The following CPXM2 variants were observed in gnomAD, a reference collection of about 807,000 sequenced individuals.
CPXM2 encodes the protein carboxypeptidase X, M14 family member 2, also known as inactive carboxypeptidase-like protein X2.
Under a neutral mutation model 86.1 loss-of-function variants are expected in CPXM2, and 66 were observed. That is an observed-to-expected ratio of 0.77 (90% CI 0.63 to 0.94). The LOEUF (loss-of-function observed/expected upper bound fraction) is 0.94, where lower values mean the gene tolerates loss of function less well. Ranked by LOEUF, CPXM2 falls within the 40% of genes least tolerant of loss-of-function variation. CPXM2 has a pLI of 0.00. For missense variants in CPXM2, 948 were observed against 1,026.3 expected (o/e 0.92, Z 1.04); for synonymous variants, 388 against 400.2 (o/e 0.97, Z 0.36).
At chr10:123,804,094 C>G (rs891896637) in intron 4 of CPXM2, among the ~76,000 whole-genome samples, 26 of 152,136 alleles carry the variant, frequency 1.7e-4, no homozygotes, top group Non-Finnish European at 3.1e-4. Flanking sequence ...TCTGGATGCT[C>G]TATTCTGTTC....
At position 123,775,830 on chromosome 10, in the gene CPXM2, T is replaced by C. The variant is rs74162933; in HGVS notation, c.978+4337A>G. Among the ~76,000 whole-genome samples, 324 of 152,350 alleles carry C rather than the reference T, an allele frequency of 2.1e-3. 1 individual carries two copies. The highest frequency in any genetic ancestry group is 7.6e-3 in the African/African-American group (316 of 41,596). On this transcript the variant is annotated intron_variant, in intron 7 of 13. Coordinates refer to ENST00000241305, the MANE Select transcript of CPXM2 (RefSeq NM_198148.3). ...TGCCAGGAAGCATCTCTCCAGTGGC[T>C]ACCAGCACCATCAAAGACACGGGTG...
rs1311151023 is a variant in CPXM2 at position 123,787,855 on chromosome 10, A to G, written c.890-7600T>C. Among the ~76,000 whole-genome samples, 4 of 152,042 alleles carry G rather than the reference A, an allele frequency of 2.6e-5. No individual in the cohort carries two copies. In the East Asian group the frequency reaches 7.7e-4, roughly 29 times the overall value. ...ACAGCAGATTCCAAGTTACCCGGGG[A>G]TGGCGGAGGGGCTGGGGAGTGATTA... On this transcript the variant is annotated intron_variant, in intron 6 of 13. Coordinates refer to ENST00000241305, the MANE Select transcript of CPXM2 (RefSeq NM_198148.3).
intron 4 of CPXM2, among the ~76,000 whole-genome samples, chr10:123,813,326 G>C (rs189837694): frequency 1.3e-5 from 2 of 152,282 alleles, no homozygotes; most frequent in East Asian, 3.9e-4. Context: ...CAAGGATGTG[G>C]TAATTCACTA....
upstream of CPXM2, among the ~76,000 whole-genome samples, chr10:123,943,673 G>A (rs954459364): frequency 6.6e-6 from 1 of 152,244 alleles, no homozygotes; most frequent in African/African-American, 2.4e-5. Context: ...AGCCAGGTAT[G>A]TGCCAACTGG....
At position 123,762,184 on chromosome 10, in the gene CPXM2, A is replaced by C. The variant is rs748280072; in HGVS notation, c.1480-15T>G. 410 of 1,614,104 alleles carry C rather than the reference A, an allele frequency of 2.5e-4. No homozygotes were observed. The highest frequency in any genetic ancestry group is 2.6e-5 in the Non-Finnish European group (31 of 1,180,034). ...TCGGCAGCCACCTGTGAACATCCCA[A>C]ATGGACGAGTAAAATAAGCAGGAAG... On this transcript the variant is annotated splice_polypyrimidine_tract_variant and intron_variant, in intron 10 of 13. Coordinates refer to ENST00000241305, the MANE Select transcript of CPXM2 (RefSeq NM_198148.3).
intron 1 of CPXM2, among the ~76,000 whole-genome samples, chr10:123,884,301 C>G (rs936557892): frequency 2.0e-5 from 3 of 152,206 alleles, no homozygotes; most frequent in Non-Finnish European, 4.4e-5. Context: ...TAAATCACCA[C>G]AAACACACCA....
At chr10:123,850,375 T>C (rs1024625438) in intron 3 of CPXM2, among the ~76,000 whole-genome samples, 1 of 152,238 alleles carries the variant, frequency 6.6e-6, no homozygotes, top group Non-Finnish European at 1.5e-5. Flanking sequence ...TTCAGTTATC[T>C]GAAGTCAACC....
chr10:123,758,749 T>G (rs1399223285), intron 11 of CPXM2, among the ~76,000 whole-genome samples: 1 of 152,192 alleles, frequency 6.6e-6, no homozygotes, highest in Non-Finnish European at 1.5e-5. Context: ...ATTAGCAAGC[T>G]GCACTCTGCG....
intron 9 of CPXM2, among the ~76,000 whole-genome samples, chr10:123,768,132 AATCCC>A (rs1276256379): frequency 6.6e-6 from 1 of 152,160 alleles, no homozygotes; most frequent in Non-Finnish European, 1.5e-5. Flanking sequence ...TTACACCTGT[AATCCC>A]AGCACTTTGG....
rs77132045 is a variant in CPXM2 at position 123,929,921 on chromosome 10, G to A, written n.174+9556C>T. 8.1e-3 allele frequency among the ~76,000 whole-genome samples: 1,234 copies of A among 152,320 alleles called. 17 individuals carry two copies. Among genetic ancestry groups the A allele is most frequent in the African/African-American group, 0.028 (1,151 of 41,570 alleles). The stretch of plus-strand genomic sequence containing the variant: ...TCATGCTTCCTTCCTTGGGTAGGGC[G>A]TCCCTGGTGTGCCCAGAGCTGCTGC... On this transcript the variant is annotated intron_variant and non_coding_transcript_variant, in intron 2 of 19. Coordinates refer to the CPXM2 transcript ENST00000368854.
chr10:123,867,155 G>A (rs905999434), intron 2 of CPXM2, among the ~76,000 whole-genome samples: 1 of 152,186 alleles, frequency 6.6e-6, no homozygotes, highest in African/African-American at 2.4e-5. Flanking sequence ...GCATAAAGTA[G>A]TCTAAGCACA....
chr10:123,898,142 C>A (rs1945352822), intron 2 of CPXM2, among the ~76,000 whole-genome samples: 1 of 152,138 alleles, frequency 6.6e-6, no homozygotes, highest in South Asian at 2.1e-4. Flanking sequence ...AGGATAGAGA[C>A]TAAAAATATA....
At chr10:123,862,746 A>G (rs1327224422) in intron 2 of CPXM2, 23 bp from the exon 3 acceptor site, 2 of 1,584,770 alleles carry the variant, frequency 1.3e-6, no homozygotes, top group African/African-American at 1.3e-5. Context: ...AATGCTTGTT[A>G]AAAACAACGA....
intron 2 of CPXM2, among the ~76,000 whole-genome samples, chr10:123,876,656 A>G (rs1377992892): frequency 6.6e-6 from 1 of 152,236 alleles, no homozygotes; most frequent in Non-Finnish European, 1.5e-5. Context: ...AAGCACTTAT[A>G]TAATATCCTG....
chr10:123,797,861 T>C, intron 6 of CPXM2, 115 bp downstream of exon 6: 1 of 1,035,088 alleles, frequency 9.7e-7, no homozygotes, highest in African/African-American at 1.6e-5. Flanking sequence ...ATGCTGGGAT[T>C]ACAGGCATGA....
In CPXM2 at chr10:123,891,467, GC is replaced by G; in HGVS notation, c.192del (p.Glu67ArgfsTer44). ...GGGCGCCGCTCCCACTCCTCCCCGG[GC>G]CCCGCAGGCAGCGGCGGAGAGAAGG... ...LETFSPPLPA[G>X]PGEEWERRPQ... On this transcript the variant is annotated frameshift_variant, in exon 1 of 14. Coordinates refer to ENST00000241305, the MANE Select transcript of CPXM2 (RefSeq NM_198148.3). LOFTEE classifies it high-confidence loss of function. This position sits in a 1 kb window ranked among gnomAD's most constrained non-coding sequence, Gnocchi z 5.6. 1 of 1,550,026 alleles carries G rather than the reference GC, an allele frequency of 6.5e-7. No individual in the cohort carries two copies. Among genetic ancestry groups the G allele is most frequent in the South Asian group, 1.2e-5 (1 of 84,008 alleles).
intron 13 of CPXM2, chr10:123,751,526 G>T: frequency 1.0e-6 from 1 of 985,300 alleles, no homozygotes; most frequent in Non-Finnish European, 1.2e-6. Context: ...CAGGCCCAAA[G>T]AATGTCCACA....
Position 123,797,482 on chromosome 10 carries a change from C to T in CPXM2, c.889+494G>A, listed in dbSNP as rs552339720. ...CCAGTGGGCTTATGGGAAATGTTTA[C>T]TCATTTTCTTTTTGGTTCACTTATG... On this transcript the variant is annotated intron_variant, in intron 6 of 13. Transcript: ENST00000241305. 5.3e-5 allele frequency among the ~76,000 whole-genome samples: 8 copies of T among 152,312 alleles called. No homozygotes were observed. The South Asian group carries it at 1.5e-3, about 28-fold the overall frequency.
chr10:123,823,044 T>TA (rs1164681868), intron 4 of CPXM2, among the ~76,000 whole-genome samples: 1 of 152,170 alleles, frequency 6.6e-6, no homozygotes, highest in Admixed American at 6.6e-5. Context: ...ATAAAGCTGT[T>TA]AAAAATTCTT....
Sources: gnomAD v4.1 joint callset for allele counts (sites outside exome capture counted in the v4.1 genomes callset) on GRCh38, gnomAD v4.1.1 for gene constraint, Gnocchi (gnomAD v3.1) non-coding constraint, MANE v1.5 for transcripts, NCBI Gene and HGNC (gene_info 2026-07-23, HGNC 2026-07-21) for gene names.